The following TAS2R1 variants were observed in gnomAD, a reference collection of about 807,000 sequenced individuals.
TAS2R1 encodes taste receptor type 2 member 1.
For synonymous variants in TAS2R1, 141 were observed against 134.2 expected, an observed-to-expected ratio of 1.05 and a Z score of -0.35; for missense variants, 370 against 353.4, an observed-to-expected ratio of 1.05 and a Z score of -0.38.
rs1354254248 is a variant in TAS2R1 at position 9,709,923 on chromosome 5, A to T, written c.-242+2249T>A. Among the ~76,000 whole-genome samples, 3 of 152,388 alleles carry T rather than the reference A, an allele frequency of 2.0e-5. No homozygotes were observed. The East Asian group carries it at 5.8e-4, about 29-fold the overall frequency. On this transcript the variant is annotated intron_variant, in intron 1 of 2. Transcript: ENST00000506620. ...GCAGTGATAGATAATGAATTCACTTACTGTGAAACTGTCTTGGTTAAAACC... is the reference window on the plus strand; with the variant it reads ...GCAGTGATAGATAATGAATTCACTTTCTGTGAAACTGTCTTGGTTAAAACC...
chr5:9,651,114 G>A (rs570240335), intron 2 of TAS2R1, among the ~76,000 whole-genome samples: 1 of 149,314 alleles, frequency 6.7e-6, no homozygotes, highest in East Asian at 1.9e-4. Flanking sequence ...TCAAAAGACT[G>A]TGCTGTGGTG....
At chr5:9,687,776 C>A (rs773534048) in intron 1 of TAS2R1, among the ~76,000 whole-genome samples, 3 of 152,212 alleles carry the variant, frequency 2.0e-5, no homozygotes, top group Non-Finnish European at 2.9e-5. Context: ...CCTGTGGAAT[C>A]CTCCCTTGTC....
chr5:9,874,304 T>C, the TAS2R1 span, among the ~76,000 whole-genome samples: 4 of 152,222 alleles, frequency 2.6e-5, no homozygotes, highest in Non-Finnish European at 5.9e-5. Context: ...CTTTATTTTA[T>C]AAAATTATAG....
chr5:9,684,414 C>A (rs75957930), intron 1 of TAS2R1, among the ~76,000 whole-genome samples: 1 of 151,972 alleles, frequency 6.6e-6, no homozygotes, highest in Non-Finnish European at 1.5e-5. Flanking sequence ...GGAGAAAAGG[C>A]GAGGTAGATG....
At chr5:9,647,453 C>T (rs188756427) in intron 2 of TAS2R1, among the ~76,000 whole-genome samples, 1 of 152,226 alleles carries the variant, frequency 6.6e-6, no homozygotes, top group Admixed American at 6.5e-5. Context: ...TGTGCAAACC[C>T]CACATACATA....
chr5:9,860,576 T>A, the TAS2R1 span, among the ~76,000 whole-genome samples: 1 of 152,156 alleles, frequency 6.6e-6, no homozygotes, highest in Non-Finnish European at 1.5e-5. Flanking sequence ...GGCTGTGGAT[T>A]TGATGTGTAA....
intron 2 of TAS2R1, among the ~76,000 whole-genome samples, chr5:9,643,372 T>C (rs1740124192): frequency 6.6e-6 from 1 of 152,172 alleles, no homozygotes; most frequent in Non-Finnish European, 1.5e-5. Flanking sequence ...TTATTTATTA[T>C]TTGTGTAGCT....
chr5:9,818,651 G>C, the TAS2R1 span, among the ~76,000 whole-genome samples: 1 of 152,212 alleles, frequency 6.6e-6, no homozygotes, highest in African/African-American at 2.4e-5. Flanking sequence ...AAAAGAACAA[G>C]TAAAGCGTTC....
intron 1 of TAS2R1, among the ~76,000 whole-genome samples, chr5:9,695,250 A>G (rs1468131878): frequency 6.6e-6 from 1 of 152,202 alleles, no homozygotes; most frequent in Non-Finnish European, 1.5e-5. Context: ...TTTAGTTGTC[A>G]TCTTGCTGTA....
chr5:9,746,421 T>C, the TAS2R1 span, among the ~76,000 whole-genome samples: 1 of 152,190 alleles, frequency 6.6e-6, no homozygotes, highest in African/African-American at 2.4e-5. Context: ...ACTGGATATA[T>C]ACCCAAAGGA....
At chr5:9,766,460 T>C in the TAS2R1 span, among the ~76,000 whole-genome samples, 1 of 152,200 alleles carries the variant, frequency 6.6e-6, no homozygotes, top group African/African-American at 2.4e-5. Context: ...GAGTGATCAA[T>C]ACAGAATGGT....
Position 9,629,183 on chromosome 5 carries a change from A to G in TAS2R1, c.850T>C (p.Leu284=), listed in dbSNP as rs2234235. The G allele has an allele frequency of 0.033, 51,988 of 1,590,698 alleles. 944 individuals carry two copies. The highest frequency in any genetic ancestry group is 0.064 in the Middle Eastern group (380 of 5,900). ...SLILILGNPK[L]KQNAKKFLLH... ...AGGAACTTTTTTGCATTTTGTTTCAATTTAGGATTTCCTAAAATTAAGATG... is the reference window on the plus strand; with the variant it reads ...AGGAACTTTTTTGCATTTTGTTTCAGTTTAGGATTTCCTAAAATTAAGATG... The change falls in exon 1 of 1, where the codon TTG becomes CTG. Residue 284 remains leucine, a synonymous_variant. Transcript: ENST00000382492.
chr5:9,724,987 A>G, the TAS2R1 span, among the ~76,000 whole-genome samples: 1 of 152,234 alleles, frequency 6.6e-6, no homozygotes. Flanking sequence ...TTTGAAACAC[A>G]TTGGTGCTGT....
the TAS2R1 span, among the ~76,000 whole-genome samples, chr5:9,789,499 A>G: frequency 6.6e-6 from 1 of 152,222 alleles, no homozygotes; most frequent in Non-Finnish European, 1.5e-5. Context: ...GGAGCCAATT[A>G]CAACGTTGCA....
At chr5:9,815,307 T>A in the TAS2R1 span, among the ~76,000 whole-genome samples, 1 of 152,144 alleles carries the variant, frequency 6.6e-6, no homozygotes, top group East Asian at 1.9e-4. Context: ...CTGGTCAGCA[T>A]CAAGAAGCAA....
chr5:9,757,501 T>G, the TAS2R1 span, among the ~76,000 whole-genome samples: 1 of 152,172 alleles, frequency 6.6e-6, no homozygotes, highest in Admixed American at 6.5e-5. Flanking sequence ...AACACAGCTT[T>G]GGACAGTCAC....
chr5:9,840,931 G>A, the TAS2R1 span, among the ~76,000 whole-genome samples: 4 of 144,928 alleles, frequency 2.8e-5, no homozygotes, highest in African/African-American at 5.2e-5. Flanking sequence ...CTGGAGTGCA[G>A]TGGCACAATC....
At chr5:9,741,896 T>TA in the TAS2R1 span, among the ~76,000 whole-genome samples, 7,759 of 152,170 alleles carry the variant, frequency 0.051, 217 homozygotes, top group African/African-American at 0.068. Flanking sequence ...CAAACAAGAC[T>TA]GTTTTTTTTT....
At chr5:9,871,893 C>G in the TAS2R1 span, among the ~76,000 whole-genome samples, 1 of 152,112 alleles carries the variant, frequency 6.6e-6, no homozygotes, top group African/African-American at 2.4e-5. Context: ...CTATTGCTAG[C>G]AAACACAATG....
Sources: allele counts gnomAD v4.1 joint callset (sites outside exome capture counted in the v4.1 genomes callset), GRCh38; gene constraint gnomAD v4.1.1; transcripts MANE v1.5; gene names NCBI Gene and HGNC (gene_info 2026-07-23, HGNC 2026-07-21).